The following NEGR1 variants were observed in gnomAD, a reference collection of about 807,000 sequenced individuals.
NEGR1 encodes the protein neuronal growth regulator 1, also known as IgLON family member 4.
In NEGR1, 10 loss-of-function variants were observed where a neutral mutation model predicts 40.9. The ratio of observed to expected loss-of-function variants is 0.24; its 90% confidence interval spans 0.15 to 0.42. The LOEUF (loss-of-function observed/expected upper bound fraction) is 0.42. NEGR1 is among the 10% of genes least tolerant of loss of function. The pLI, the probability that NEGR1 is intolerant of heterozygous loss-of-function variation, is 1.00. For synonymous variants in NEGR1, 185 were observed against 166.8 expected, an observed-to-expected ratio of 1.11 and a Z score of -0.84; for missense variants, 352 against 438.9, an observed-to-expected ratio of 0.80 and a Z score of 1.77.
At chr1:71,698,327 G>A (rs887939892) in intron 3 of NEGR1, among the ~76,000 whole-genome samples, 188 bp from the exon 4 acceptor site, 1 of 151,766 alleles carries the variant, frequency 6.6e-6, no homozygotes, top group South Asian at 2.1e-4. Context: ...GCAGAACGAG[G>A]TATATTATAA....
intron 1 of NEGR1, among the ~76,000 whole-genome samples, chr1:72,133,630 TAA>T (rs1650339153): frequency 6.6e-6 from 1 of 151,848 alleles, no homozygotes; most frequent in African/African-American, 2.4e-5. Context: ...AATGTTTAAA[TAA>T]GTCAACTTTT....
intron 2 of NEGR1, among the ~76,000 whole-genome samples, chr1:71,827,402 T>A (rs563108268): frequency 6.4e-4 from 97 of 151,840 alleles, no homozygotes; most frequent in African/African-American, 2.1e-3. Flanking sequence ...CCAACAAGAA[T>A]CTTGTCACAC....
At chr1:72,046,437 A>G (rs973609091) in intron 1 of NEGR1, among the ~76,000 whole-genome samples, 2 of 151,634 alleles carry the variant, frequency 1.3e-5, no homozygotes, top group African/African-American at 4.8e-5. Context: ...CCTCTATTCA[A>G]TTCAAAGACA....
intron 2 of NEGR1, among the ~76,000 whole-genome samples, chr1:71,910,587 T>A: frequency 6.6e-6 from 1 of 152,192 alleles, no homozygotes; most frequent in Non-Finnish European, 1.5e-5. Flanking sequence ...TTACTGTTAA[T>A]TAATAAGTAA....
intron 2 of NEGR1, among the ~76,000 whole-genome samples, chr1:71,853,641 G>A (rs1331593780): frequency 1.3e-5 from 2 of 152,068 alleles, no homozygotes; most frequent in African/African-American, 4.8e-5. Context: ...AATGTATATT[G>A]ATTCTTTTTA....
chr1:72,186,392 T>C lies in NEGR1; in HGVS notation c.176+95927A>G, dbSNP rs143752501. Among the ~76,000 whole-genome samples the C allele has an allele frequency of 3.5e-3, 539 of 151,860 alleles. 5 individuals carry two copies. Among genetic ancestry groups the C allele is most frequent in the African/African-American group, 0.012 (513 of 41,530 alleles). On this transcript the variant is annotated intron_variant, in intron 1 of 6. Coordinates refer to ENST00000357731, the MANE Select transcript of NEGR1 (RefSeq NM_173808.3). Reference sequence around the variant, plus strand: ...TAAGTGGATCTCATTAGAGAGTTTATATCTTTAATTATGATGCATCTTGGA... The same window carrying C: ...TAAGTGGATCTCATTAGAGAGTTTACATCTTTAATTATGATGCATCTTGGA...
chr1:71,613,626 G>C (rs557480553), intron 4 of NEGR1, among the ~76,000 whole-genome samples: 1 of 150,520 alleles, frequency 6.6e-6, no homozygotes, highest in East Asian at 2.0e-4. Flanking sequence ...TTGCACTTCA[G>C]CCTGGGCAAC....
chr1:72,260,293 T>A (rs1460902712), intron 1 of NEGR1, among the ~76,000 whole-genome samples: 2 of 152,086 alleles, frequency 1.3e-5, no homozygotes, highest in African/African-American at 4.8e-5. Context: ...TCAGCCAAAA[T>A]CAGGATTTTA....
chr1:72,153,678 A>C (rs12096231), intron 1 of NEGR1, among the ~76,000 whole-genome samples: 6,409 of 151,972 alleles, frequency 0.042, 445 homozygotes, highest in African/African-American at 0.15. Context: ...ATATGAAAGA[A>C]ATTATTCATA....
chr1:71,424,586 C>A (rs1420677474), intron 6 of NEGR1, among the ~76,000 whole-genome samples: 7 of 152,262 alleles, frequency 4.6e-5, no homozygotes, highest in African/African-American at 1.7e-4. Flanking sequence ...GGTGGGCCTA[C>A]CCCAGTTACA....
chr1:71,538,361 A>T (rs78649296), intron 6 of NEGR1, among the ~76,000 whole-genome samples: 2,183 of 151,774 alleles, frequency 0.014, 29 homozygotes, highest in South Asian at 0.029. Context: ...TTGTTATTTT[A>T]TCTTTATGTT....
At chr1:72,036,212 A>C (rs1646900561) in intron 1 of NEGR1, among the ~76,000 whole-genome samples, 1 of 152,152 alleles carries the variant, frequency 6.6e-6, no homozygotes, top group African/African-American at 2.4e-5. Context: ...CTATTTTCCT[A>C]GACTGATTGC....
intron 2 of NEGR1, among the ~76,000 whole-genome samples, chr1:71,932,021 T>C (rs1353285739): frequency 6.6e-6 from 1 of 152,088 alleles, no homozygotes; most frequent in Non-Finnish European, 1.5e-5. Context: ...AGTCTATTAG[T>C]CAGTTTCAAC....
At chr1:71,642,955 T>TAA (rs1557597698) in intron 4 of NEGR1, among the ~76,000 whole-genome samples, 3 of 151,928 alleles carry the variant, frequency 2.0e-5, no homozygotes, top group Non-Finnish European at 4.4e-5. Context: ...TAGGTAGGGC[T>TAA]AAGTATATTC....
intron 3 of NEGR1, among the ~76,000 whole-genome samples, chr1:71,748,156 G>T (rs1297325599): frequency 1.3e-5 from 2 of 152,046 alleles, no homozygotes; most frequent in Non-Finnish European, 2.9e-5. Flanking sequence ...TAAAATAGAA[G>T]AACTTTGAGA....
chr1:71,973,414 G>C (rs145439603), intron 1 of NEGR1, among the ~76,000 whole-genome samples: 72 of 151,608 alleles, frequency 4.7e-4, no homozygotes, highest in African/African-American at 1.6e-3. Flanking sequence ...TTGTCCTCCA[G>C]GCTGTGAGAG....
At chr1:71,525,220 G>T (rs1350691497) in intron 6 of NEGR1, among the ~76,000 whole-genome samples, 1 of 151,696 alleles carries the variant, frequency 6.6e-6, no homozygotes, top group Non-Finnish European at 1.5e-5. Context: ...TCAGCCTGTA[G>T]GGCTGTCTTT....
chr1:71,885,496 G>A (rs528054168), intron 2 of NEGR1, among the ~76,000 whole-genome samples: 4 of 152,186 alleles, frequency 2.6e-5, no homozygotes, highest in South Asian at 2.1e-4. Flanking sequence ...AAATTCGCAC[G>A]TTAGCTGTTT....
intron 1 of NEGR1, among the ~76,000 whole-genome samples, chr1:72,234,202 T>C (rs991515748): frequency 5.3e-5 from 8 of 152,130 alleles, no homozygotes; most frequent in African/African-American, 1.7e-4. Flanking sequence ...ATTCTCATCA[T>C]TTAGCTCCCA....
Sources: gnomAD v4.1 joint callset for allele counts (sites outside exome capture counted in the v4.1 genomes callset) on GRCh38, gnomAD v4.1.1 for gene constraint, MANE v1.5 for transcripts, NCBI Gene and HGNC (gene_info 2026-07-23, HGNC 2026-07-21) for gene names.